CNTNAP2: variants seen among roughly 807,000 people sequenced by gnomAD.
CNTNAP2 encodes contactin associated protein 2.
In CNTNAP2, 98 loss-of-function variants were observed where a neutral mutation model predicts 155.2. The observed-to-expected ratio is 0.63, with a 90% CI of 0.54 to 0.75. CNTNAP2 has a LOEUF of 0.75. CNTNAP2 is among the 30% of genes least tolerant of loss of function. The pLI is 0.00. For missense variants in CNTNAP2, 1,727 were observed against 1,688.1 expected (o/e 1.02, Z -0.40); for synonymous variants, 651 against 631.2 (o/e 1.03, Z -0.47).
At chr7:148,262,414 C>T (rs1445735402) in intron 20 of CNTNAP2, among the ~76,000 whole-genome samples, 2 of 152,192 alleles carry the variant, frequency 1.3e-5, no homozygotes, top group African/African-American at 2.4e-5. Context: ...CATGCATTTA[C>T]TATCTCACAG....
At chr7:146,344,684 G>T (rs1379123989) in intron 1 of CNTNAP2, among the ~76,000 whole-genome samples, 1 of 152,032 alleles carries the variant, frequency 6.6e-6, no homozygotes, top group African/African-American at 2.4e-5. Flanking sequence ...TCACCATGTT[G>T]GGCAGGCTGG....
chr7:146,570,499 G>A (rs1798425332), intron 1 of CNTNAP2, among the ~76,000 whole-genome samples: 1 of 152,052 alleles, frequency 6.6e-6, no homozygotes, highest in South Asian at 2.1e-4. Context: ...TGAATATTAG[G>A]CCTTAGACAT....
chr7:147,444,976 G>A (rs1276092163), intron 10 of CNTNAP2, among the ~76,000 whole-genome samples: 1 of 152,148 alleles, frequency 6.6e-6, no homozygotes, highest in African/African-American at 2.4e-5. Context: ...TGGAAGGAGA[G>A]AGAAAGAGTG....
chr7:146,597,281 C>T (rs1798876613), intron 1 of CNTNAP2, among the ~76,000 whole-genome samples: 1 of 151,956 alleles, frequency 6.6e-6, no homozygotes, highest in South Asian at 2.1e-4. Context: ...GTGTGCTTTA[C>T]TATAATACGA....
chr7:147,796,072 A>G (rs1797888595), intron 13 of CNTNAP2, among the ~76,000 whole-genome samples: 1 of 152,204 alleles, frequency 6.6e-6, no homozygotes, highest in South Asian at 2.1e-4. Context: ...CCTTATGTGT[A>G]AGAGACCATG....
intron 13 of CNTNAP2, among the ~76,000 whole-genome samples, chr7:147,782,114 G>A (rs545494833): frequency 2.0e-5 from 3 of 151,938 alleles, no homozygotes; most frequent in Admixed American, 6.6e-5. Context: ...GTTCCAGTGC[G>A]TGTCTAATAC....
intron 13 of CNTNAP2, among the ~76,000 whole-genome samples, chr7:147,667,992 G>A (rs960581566): frequency 4.0e-4 from 61 of 152,172 alleles, no homozygotes; most frequent in African/African-American, 1.2e-3. Flanking sequence ...TGCTCAGGAT[G>A]AGCAGGTTGG....
chr7:147,844,927 G>A, intron 13 of CNTNAP2, among the ~76,000 whole-genome samples: 1 of 144,640 alleles, frequency 6.9e-6, no homozygotes, highest in South Asian at 2.1e-4. Flanking sequence ...AACCAGCCTT[G>A]CATCCCAGGG....
At position 146,855,725 on chromosome 7, in the gene CNTNAP2, C is replaced by A. The variant is rs550079096; in HGVS notation, c.402+15821C>A. On this transcript the variant is annotated intron_variant, in intron 3 of 23. Coordinates refer to ENST00000361727, the MANE Select transcript of CNTNAP2 (RefSeq NM_014141.6). ...ATTGTGTTGGGGGCCAAGGTTCTCA[C>A]CATGAAGGAAATAAGAAACATACGT... 2.0e-5 allele frequency among the ~76,000 whole-genome samples: 3 copies of A among 149,290 alleles called. No individual in the cohort carries two copies. The South Asian group carries it at 6.4e-4, about 32-fold the overall frequency.
intron 15 of CNTNAP2, among the ~76,000 whole-genome samples, chr7:148,031,546 T>C (rs529417323): frequency 2.6e-5 from 4 of 152,332 alleles, no homozygotes; most frequent in African/African-American, 4.8e-5. Context: ...GAAATACTAC[T>C]TAAGTGCTAC....
chr7:147,226,985 A>C (rs1381908231), intron 8 of CNTNAP2, among the ~76,000 whole-genome samples: 1 of 152,242 alleles, frequency 6.6e-6, no homozygotes, highest in Non-Finnish European at 1.5e-5. Context: ...AATTGAACCA[A>C]ATAAATTATA....
At chr7:147,293,162 T>C (rs772334391) in intron 8 of CNTNAP2, among the ~76,000 whole-genome samples, 13 of 152,286 alleles carry the variant, frequency 8.5e-5, no homozygotes, top group Admixed American at 3.3e-4. Context: ...ATTCAAGTGA[T>C]TTTTCCAAAA....
At chr7:147,721,919 G>A (rs879496785) in intron 13 of CNTNAP2, among the ~76,000 whole-genome samples, 2 of 152,088 alleles carry the variant, frequency 1.3e-5, no homozygotes, top group African/African-American at 2.4e-5. Context: ...TTGTTTACCA[G>A]CGTTTCAGTT....
chr7:147,379,093 G>A (rs1195355054), intron 9 of CNTNAP2, among the ~76,000 whole-genome samples: 1 of 151,982 alleles, frequency 6.6e-6, no homozygotes. Flanking sequence ...GAAGAAGGGT[G>A]TGTTTGCTTC....
At chr7:147,651,135 G>C (rs112796314) in intron 13 of CNTNAP2, among the ~76,000 whole-genome samples, 1 of 152,232 alleles carries the variant, frequency 6.6e-6, no homozygotes, top group Non-Finnish European at 1.5e-5. Flanking sequence ...TATATTTAGA[G>C]ATTTATTGCA....
intron 1 of CNTNAP2, among the ~76,000 whole-genome samples, chr7:146,486,794 A>T (rs1414672677): frequency 6.6e-6 from 1 of 152,182 alleles, no homozygotes; most frequent in Non-Finnish European, 1.5e-5. Flanking sequence ...CTTTGCCTCA[A>T]GCCTGAAAGA....
At chr7:146,964,541 A>G (rs1181484855) in intron 3 of CNTNAP2, among the ~76,000 whole-genome samples, 1 of 152,208 alleles carries the variant, frequency 6.6e-6, no homozygotes, top group Non-Finnish European at 1.5e-5. Flanking sequence ...TTAAGATAAA[A>G]TATATTACCT....
intron 1 of CNTNAP2, among the ~76,000 whole-genome samples, chr7:146,658,519 T>TA (rs1188991234): frequency 6.6e-5 from 10 of 152,108 alleles, no homozygotes; most frequent in Admixed American, 1.3e-4. Context: ...ATGGACATTT[T>TA]AAAAAAACAT....
At chr7:147,045,315 C>T (rs1799336440) in intron 4 of CNTNAP2, among the ~76,000 whole-genome samples, 1 of 152,138 alleles carries the variant, frequency 6.6e-6, no homozygotes, top group African/African-American at 2.4e-5. Flanking sequence ...ATGCCCTAGA[C>T]ACTTAGTATT....
Sources: allele counts gnomAD v4.1 joint callset (sites outside exome capture counted in the v4.1 genomes callset), GRCh38; gene constraint gnomAD v4.1.1; transcripts MANE v1.5; gene names NCBI Gene and HGNC (gene_info 2026-07-23, HGNC 2026-07-21).